GMDS: variants seen among roughly 807,000 people sequenced by gnomAD.
GMDS encodes GDP-mannose 4,6 dehydratase.
GMDS carries 20 observed loss-of-function variants against 49.9 expected under a neutral mutation model. The ratio of observed to expected loss-of-function variants is 0.40; its 90% CI spans 0.28 to 0.58. GMDS has a LOEUF of 0.58. Ranked by LOEUF, GMDS falls within the 20% of genes least tolerant of loss-of-function variation. The pLI, the probability that GMDS is intolerant of heterozygous loss-of-function variation, is 0.42. For missense variants in GMDS, 362 were observed against 481.4 expected (o/e 0.75, Z 2.32); for synonymous variants, 177 against 178.6 (o/e 0.99, Z 0.07).
intron 1 of GMDS, among the ~76,000 whole-genome samples, chr6:2,190,087 A>G (rs1581771688): frequency 6.6e-6 from 1 of 152,352 alleles, no homozygotes; most frequent in East Asian, 1.9e-4. Flanking sequence ...AGCTCAGCCA[A>G]CGGAAAACAT....
chr6:2,025,368 G>A (rs1298635903), intron 4 of GMDS, among the ~76,000 whole-genome samples: 2 of 58,930 alleles, frequency 3.4e-5, no homozygotes, highest in African/African-American at 1.0e-4. Flanking sequence ...GTGTGTGTGT[G>A]TGTGTGTGTG....
chr6:2,158,963 T>A (rs1777245004), intron 1 of GMDS, among the ~76,000 whole-genome samples: 1 of 152,178 alleles, frequency 6.6e-6, no homozygotes, highest in Non-Finnish European at 1.5e-5. Context: ...AGAAAAGAAA[T>A]CACTGAACAT....
At chr6:2,069,918 GTA>G (rs1489978110) in intron 4 of GMDS, among the ~76,000 whole-genome samples, 2 of 152,036 alleles carry the variant, frequency 1.3e-5, no homozygotes, top group Admixed American at 6.6e-5. Context: ...CCATTACTGG[GTA>G]TATACCCAAA....
chr6:1,884,565 C>A (rs981814263), intron 7 of GMDS, among the ~76,000 whole-genome samples: 4 of 152,218 alleles, frequency 2.6e-5, no homozygotes, highest in Non-Finnish European at 5.9e-5. Context: ...ATAACACAGT[C>A]CACAGGCCTG....
intron 4 of GMDS, among the ~76,000 whole-genome samples, chr6:2,082,066 G>A (rs905130939): frequency 4.6e-5 from 7 of 152,134 alleles, no homozygotes; most frequent in Non-Finnish European, 7.3e-5. Context: ...CTATTTCTAC[G>A]TTCATCCCAG....
intron 4 of GMDS, among the ~76,000 whole-genome samples, chr6:2,036,193 A>G (rs1317989462): frequency 6.6e-6 from 1 of 152,176 alleles, no homozygotes; most frequent in Non-Finnish European, 1.5e-5. Context: ...CAATGAAGGA[A>G]ATCGGGAGAC....
chr6:1,956,558 G>A (rs1246412126), intron 6 of GMDS, among the ~76,000 whole-genome samples: 1 of 151,990 alleles, frequency 6.6e-6, no homozygotes, highest in Non-Finnish European at 1.5e-5. Context: ...TACAAATTCA[G>A]CATGGGTGAC....
At chr6:1,993,401 G>A (rs1396816716) in intron 4 of GMDS, among the ~76,000 whole-genome samples, 2 of 152,088 alleles carry the variant, frequency 1.3e-5, no homozygotes, top group African/African-American at 4.8e-5. Flanking sequence ...CTTCTGACTT[G>A]TGGACTCCTG....
chr6:1,626,819 A>C (rs573425138), intron 9 of GMDS, among the ~76,000 whole-genome samples: 21 of 152,356 alleles, frequency 1.4e-4, no homozygotes, highest in African/African-American at 4.8e-4. Context: ...GTAGCTCACA[A>C]TATAAAAACA....
At chr6:2,092,545 G>A (rs140188909) in intron 4 of GMDS, among the ~76,000 whole-genome samples, 5 of 152,152 alleles carry the variant, frequency 3.3e-5, no homozygotes, top group Admixed American at 1.3e-4. Context: ...TAATTTTAGC[G>A]CATTTATTGT....
intron 1 of GMDS, among the ~76,000 whole-genome samples, chr6:2,174,768 C>G (rs1007671097): frequency 2.0e-5 from 3 of 151,982 alleles, no homozygotes; most frequent in African/African-American, 7.2e-5. Context: ...GGGATTGCAC[C>G]ATGTTGGCCA....
chr6:1,751,844 C>G (rs1383327727), intron 7 of GMDS, among the ~76,000 whole-genome samples: 1 of 152,142 alleles, frequency 6.6e-6, no homozygotes, highest in African/African-American at 2.4e-5. Context: ...TCAACATCAA[C>G]AAAAAGAACG....
intron 7 of GMDS, among the ~76,000 whole-genome samples, chr6:1,862,390 C>G (rs767231371): frequency 6.6e-6 from 1 of 151,832 alleles, no homozygotes; most frequent in East Asian, 1.9e-4. Flanking sequence ...GGCACAGCTT[C>G]GAATCCGGGG....
At chr6:1,930,332 C>A in intron 6 of GMDS, 102 bp from the exon 7 acceptor site, 1 of 821,210 alleles carries the variant, frequency 1.2e-6, no homozygotes, top group South Asian at 1.7e-5. Context: ...TTCTTTCATT[C>A]TACACTCCCA....
At chr6:2,156,558 C>T (rs1447595994) in intron 1 of GMDS, among the ~76,000 whole-genome samples, 1 of 152,072 alleles carries the variant, frequency 6.6e-6, no homozygotes, top group Admixed American at 6.6e-5. Flanking sequence ...TAGAACATTT[C>T]TTTGATAACT....
intron 4 of GMDS, among the ~76,000 whole-genome samples, chr6:2,067,436 G>C (rs1280303559): frequency 1.3e-5 from 2 of 151,408 alleles, no homozygotes; most frequent in Non-Finnish European, 2.9e-5. Context: ...GAAGGAAATA[G>C]AGACACAAAA....
chr6:1,796,907 G>A (rs558007787), intron 7 of GMDS, among the ~76,000 whole-genome samples: 1 of 152,310 alleles, frequency 6.6e-6, no homozygotes, highest in African/African-American at 2.4e-5. Context: ...ATCTGATTCA[G>A]TGAGGAATGT....
At chr6:2,141,865 G>GCTCT (rs67628075) in intron 1 of GMDS, among the ~76,000 whole-genome samples, 90,006 of 145,380 alleles carry the variant, frequency 0.62, 28,491 homozygotes, top group African/African-American at 0.79. Context: ...GGTTGTGCGT[G>GCTCT]CTCTCTCTCT....
chr6:1,754,342 T>C (rs999201485), intron 7 of GMDS, among the ~76,000 whole-genome samples: 8 of 152,062 alleles, frequency 5.3e-5, no homozygotes, highest in African/African-American at 1.9e-4. Flanking sequence ...CAGGAAGAAG[T>C]CAAATCCCTG....
Sources: allele counts gnomAD v4.1 joint callset (sites outside exome capture counted in the v4.1 genomes callset), GRCh38; gene constraint gnomAD v4.1.1; transcripts MANE v1.5; gene names NCBI Gene and HGNC (gene_info 2026-07-23, HGNC 2026-07-21).